The following NUMBL variants were observed in gnomAD, a reference collection of about 807,000 sequenced individuals.
NUMBL encodes the protein numb-like protein.
Under a neutral mutation model 48.9 loss-of-function variants are expected in NUMBL, and 20 were observed. The ratio of observed to expected loss-of-function variants is 0.41; its 90% CI spans 0.29 to 0.59. NUMBL has a LOEUF of 0.59. Among genes scored for constraint, NUMBL ranks in the 20% least tolerant of loss-of-function variants. The probability of loss-of-function intolerance (pLI) is 0.31; values close to 1 mark genes in which losing one functional copy is unlikely to be tolerated. For synonymous variants in NUMBL, 340 were observed against 348.7 expected, an observed-to-expected ratio of 0.98 and a Z score of 0.28; for missense variants, 660 against 846.2, an observed-to-expected ratio of 0.78 and a Z score of 2.73.
Position 40,677,211 on chromosome 19 carries a change from GGC to G in NUMBL, c.730+19_730+20del. On this transcript the variant is annotated intron_variant, in intron 7 of 9. Coordinates refer to ENST00000252891, the MANE Select transcript of NUMBL (RefSeq NM_004756.5). Reference sequence around the variant, plus strand: ...CCCTGTGCCCACTCTGTGCTCTGCTGGCGCTTGGGGCAACACCCACCTTTCTT... The same window carrying G: ...CCCTGTGCCCACTCTGTGCTCTGCTGGCTTGGGGCAACACCCACCTTTCTT... 6.5e-7 allele frequency: 1 copy of G among 1,549,394 alleles called. No homozygotes were observed.
In NUMBL at chr19:40,667,818, A is replaced by G; in HGVS notation, c.1480T>C (p.Tyr494His). 6.3e-7 allele frequency: 1 copy of G among 1,587,282 alleles called. No homozygotes were observed. Among genetic ancestry groups the G allele is most frequent in the Non-Finnish European group, 8.6e-7 (1 of 1,167,270 alleles). Residue 494 changes from tyrosine (Y) to histidine (H), a missense_variant, in exon 10 of 10, where the codon TAC becomes CAC. This residue lies in a region of NUMBL where 296 missense variants were observed against 339.7 expected (regional missense o/e 0.87). Transcript: ENST00000252891. The surrounding 1 kb of genome is among the most constrained non-coding windows in gnomAD (Gnocchi z 6.1). ...PHMQPPFVPA[Y>H]PGLGYPPMPR... ...ATCGGTGGGTAGCCCAAGCCCGGGTAGGCGGGCACAAAAGGGGGCTGCATG... is the reference window on the plus strand; with the variant it reads ...ATCGGTGGGTAGCCCAAGCCCGGGTGGGCGGGCACAAAAGGGGGCTGCATG...
intron 1 of NUMBL, chr19:40,690,143 G>T: frequency 3.6e-6 from 1 of 276,880 alleles, no homozygotes; most frequent in Non-Finnish European, 6.7e-6. Flanking sequence ...CTGTGTCCCC[G>T]ACCCCATCTC....
At position 40,667,075 on chromosome 19, in the gene NUMBL, G is replaced by T. The variant is rs555574514; in HGVS notation, c.*393C>A. On this transcript the variant is annotated 3_prime_UTR_variant, in exon 10 of 10. Transcript: ENST00000252891. The surrounding 1 kb of genome is among the most constrained non-coding windows in gnomAD (Gnocchi z 6.1). ...GGGGTGGGCACTGGTGTGGGGCCCA[G>T]GAGAGCCCCTAAGCAAGTGTCCCCC... The T allele has an allele frequency of 2.2e-5, 6 of 271,590 alleles. No individual in the cohort carries two copies. The South Asian group carries it at 2.3e-4, about 11-fold the overall frequency. 16.8% of individuals were successfully genotyped at this position (271,590 alleles called of 1,614,324 possible). A position where few individuals can be genotyped will look rare whatever the true frequency, so the allele number is the denominator to read the frequency against.
In NUMBL at chr19:40,673,126, C is replaced by T. The variant is rs970437545; in HGVS notation, c.1036+218G>A. ...TGTGATGCCTTTCTACTATCCCTTA[C>T]TCAGAGCAGACACGGCTTATCAATC... On this transcript the variant is annotated intron_variant, in intron 8 of 9. Coordinates refer to ENST00000252891, the MANE Select transcript of NUMBL (RefSeq NM_004756.5). The surrounding 1 kb of genome is among the most constrained non-coding windows in gnomAD (Gnocchi z 5.9). 2.0e-5 allele frequency among the ~76,000 whole-genome samples: 3 copies of T among 152,206 alleles called. No individual in the cohort carries two copies. Among genetic ancestry groups the T allele is most frequent in the Non-Finnish European group, 4.4e-5 (3 of 68,042 alleles).
rs377270022 is a variant in NUMBL, at chr19:40,680,955, G to A, written c.502C>T (p.Arg168Cys). ...GCCAGAAAACAGTGGCAGATCCAGC[G>A]GCGGGTAGTCCCGTCACGACAGATA... ...SYICRDGTTR[R>C]WICHCFLALK... The change falls in exon 6 of 10, where the codon CGC becomes TGC. Residue 168 changes from arginine to cysteine, a missense_variant. Arg to Cys is a radical substitution (Grantham distance 180). Coordinates refer to ENST00000252891, the MANE Select transcript of NUMBL (RefSeq NM_004756.5). The A allele has an allele frequency of 2.5e-6, 4 of 1,614,052 alleles. No individual in the cohort carries two copies. The highest frequency in any genetic ancestry group is 2.7e-5 in the African/African-American group (2 of 74,922).
At chr19:40,684,680 A>G in intron 2 of NUMBL, 124 bp from the exon 3 acceptor site, 1 of 1,345,336 alleles carries the variant, frequency 7.4e-7, no homozygotes, top group Non-Finnish European at 9.9e-7. Flanking sequence ...GCGGGGTTAC[A>G]GGGTCAGTTG....
Position 40,690,586 on chromosome 19 carries a change from A to C in NUMBL, c.-103T>G. 3.1e-6 allele frequency: 2 copies of C among 643,934 alleles called. No individual in the cohort carries two copies. The highest frequency in any genetic ancestry group is 4.4e-6 in the Non-Finnish European group (2 of 457,602). The allele number at this position is 643,934 out of a possible 1,614,324, so 39.9% of individuals were successfully genotyped here. ...GCGGCAGCTCGGTCTGACGCCGGCC[A>C]GGGCCCGGGGCCGGGGGATGGTGCG... On this transcript the variant is annotated 5_prime_UTR_variant, in exon 1 of 10. Coordinates refer to ENST00000252891, the MANE Select transcript of NUMBL (RefSeq NM_004756.5).
Position 40,673,732 on chromosome 19 carries a change from C to G in NUMBL, c.731-83G>C, listed in dbSNP as rs1271823988. The stretch of plus-strand genomic sequence containing the variant: ...CCCACCTGGTTCTCTTGATCATTCT[C>G]CAAGGCTGCCTTCCTTGCCCAGTGA... On this transcript the variant is annotated intron_variant, in intron 7 of 9. Coordinates refer to ENST00000252891, the MANE Select transcript of NUMBL (RefSeq NM_004756.5). The surrounding 1 kb of genome is among the most constrained non-coding windows in gnomAD (Gnocchi z 5.9). The G allele has an allele frequency of 1.5e-6, 2 of 1,328,768 alleles. No homozygotes were observed. Among genetic ancestry groups the G allele is most frequent in the African/African-American group, 3.0e-5 (2 of 67,504 alleles). The allele number at this position is 1,328,768 out of a possible 1,614,324, so 82.3% of individuals were successfully genotyped here.
chr19:40,668,745 C>T (rs559531742), intron 9 of NUMBL, among the ~76,000 whole-genome samples: 1 of 152,278 alleles, frequency 6.6e-6, no homozygotes, highest in African/African-American at 2.4e-5. Flanking sequence ...AGGCATGAGC[C>T]ACCACACCCA....
chr19:40,679,288 G>T (rs2081893377), intron 6 of NUMBL, among the ~76,000 whole-genome samples: 1 of 152,194 alleles, frequency 6.6e-6, no homozygotes, highest in Non-Finnish European at 1.5e-5. Flanking sequence ...AAGCTGAGGT[G>T]GGAGAATCGC....
rs1248524795 is a variant in NUMBL at position 40,682,938 on chromosome 19, G to A, written c.280C>T (p.Arg94Trp). Residue 94 changes from arginine (R) to tryptophan (W), a missense_variant, in exon 4 of 10, where the codon CGG (arginine) becomes TGG (tryptophan). Arg to Trp is a moderately radical substitution (Grantham distance 101). This residue lies in a region of NUMBL where 278 missense variants were observed against 420.6 expected (regional missense o/e 0.66). Transcript: ENST00000252891. The surrounding 1 kb of genome is among the most constrained non-coding windows in gnomAD (Gnocchi z 4.0). ...YLGHVEVEES[R>W]GMHVCEDAVK... ...GCATCTTCACACACGTGCATTCCCC[G>A]GGACTCCTCTACCTCCACGTGACCC... 1 of 1,613,688 alleles carries A rather than the reference G, an allele frequency of 6.2e-7. No individual in the cohort carries two copies. Among genetic ancestry groups the A allele is most frequent in the Non-Finnish European group, 8.5e-7 (1 of 1,179,972 alleles).
chr19:40,680,128 A>T (rs1200469563), intron 6 of NUMBL, among the ~76,000 whole-genome samples: 1 of 144,846 alleles, frequency 6.9e-6, no homozygotes, highest in Non-Finnish European at 1.5e-5. Context: ...ATCCCCAAAT[A>T]GTTTTTTTTT....
At chr19:40,675,211 C>A (rs1271635154) in intron 7 of NUMBL, among the ~76,000 whole-genome samples, 1 of 145,602 alleles carries the variant, frequency 6.9e-6, no homozygotes, top group Admixed American at 6.8e-5. Context: ...ATCCCAGCTA[C>A]TCAGGAGGCT....
At chr19:40,669,510 T>C (rs1223115157) in intron 9 of NUMBL, among the ~76,000 whole-genome samples, 2 of 152,044 alleles carry the variant, frequency 1.3e-5, no homozygotes, top group African/African-American at 4.8e-5. Context: ...CCCCTGGCTC[T>C]AAGATGATCC....
Position 40,686,998 on chromosome 19 carries a change from G to A in NUMBL, c.25-3C>T. 3.3e-6 allele frequency: 5 copies of A among 1,497,958 alleles called. No homozygotes were observed. Among genetic ancestry groups the A allele is most frequent in the Non-Finnish European group, 4.4e-6 (5 of 1,126,270 alleles). 92.8% of individuals were successfully genotyped at this position (1,497,958 alleles called of 1,614,324 possible). The stretch of plus-strand genomic sequence containing the variant: ...CGCTCAGGCCTCCGGGGTCCGCCCT[G>A]CCCGAGTAGGGGAGGAGAAGGTGAG... On this transcript the variant is annotated splice_polypyrimidine_tract_variant and splice_region_variant and intron_variant, in intron 1 of 9. Coordinates refer to ENST00000252891, the MANE Select transcript of NUMBL (RefSeq NM_004756.5).
chr19:40,683,054 T>C, intron 3 of NUMBL, 86 bp from the exon 4 acceptor site: 2 of 1,171,946 alleles, frequency 1.7e-6, no homozygotes, highest in Non-Finnish European at 2.6e-6. Context: ...TGCCATGCAG[T>C]AGACAATATT....
At position 40,667,908 on chromosome 19, in the gene NUMBL, G is replaced by T; in HGVS notation, c.1390C>A (p.Pro464Thr). The T allele has an allele frequency of 6.4e-7, 1 of 1,574,086 alleles. No individual in the cohort carries two copies. Among genetic ancestry groups the T allele is most frequent in the East Asian group, 2.3e-5 (1 of 42,698 alleles). Reference protein sequence around the residue: ...PTMPPALQPFPAPVGPFDAAP... With the variant: ...PTMPPALQPFTAPVGPFDAAP... ...GCGTCAAAGGGCCCCACGGGGGCGG[G>T]GAAAGGCTGCAGGGCAGGAGGCATG... is the stretch of plus-strand genomic sequence containing the variant. Residue 464 changes from proline (P) to threonine (T), a missense_variant, in exon 10 of 10, where the codon CCC (proline) becomes ACC (threonine). By Grantham distance (38) the Pro-to-Thr change is conservative. Coordinates refer to ENST00000252891, the MANE Select transcript of NUMBL (RefSeq NM_004756.5). The surrounding 1 kb of genome is among the most constrained non-coding windows in gnomAD (Gnocchi z 6.1).
At chr19:40,669,659 T>C (rs894984232) in intron 9 of NUMBL, among the ~76,000 whole-genome samples, 1 of 152,014 alleles carries the variant, frequency 6.6e-6, no homozygotes, top group Non-Finnish European at 1.5e-5. Flanking sequence ...TCCATGGATC[T>C]AGGATGATCC....
Position 40,670,037 on chromosome 19 carries a change from G to A in NUMBL, c.1037-17C>T, listed in dbSNP as rs1420633993. ...TCTCAGGCACTGGGAAGCAGGGCAG[G>A]ACAGAGGTCAGCAAACAGGCCCAGA... On this transcript the variant is annotated splice_polypyrimidine_tract_variant and intron_variant, in intron 8 of 9. Transcript: ENST00000252891. The A allele has an allele frequency of 6.2e-7, 1 of 1,612,372 alleles. No individual in the cohort carries two copies. The highest frequency in any genetic ancestry group is 1.7e-5 in the Admixed American group (1 of 59,832).
Sources: allele counts gnomAD v4.1 joint callset (sites outside exome capture counted in the v4.1 genomes callset), GRCh38; gene constraint gnomAD v4.1.1; regional missense constraint gnomAD v4.1.1; non-coding constraint Gnocchi (gnomAD v3.1); transcripts MANE v1.5; gene names NCBI Gene and HGNC (gene_info 2026-07-23, HGNC 2026-07-21).